The following PSMA8 variants were observed in gnomAD, a reference collection of about 807,000 sequenced individuals.
The protein encoded by PSMA8 is proteasome subunit alpha-type 8.
In PSMA8, 18 loss-of-function variants were observed where a neutral mutation model predicts 32.4. The ratio of observed to expected loss-of-function variants is 0.56; its 90% CI spans 0.38 to 0.82. The LOEUF is 0.82. Ranked by LOEUF, PSMA8 falls within the 40% of genes least tolerant of loss-of-function variation. The pLI is 0.00. For synonymous variants in PSMA8, 104 were observed against 98.1 expected (o/e 1.06, Z -0.36); for missense variants, 298 against 300.7 (o/e 0.99, Z 0.07).
chr18:26,174,163 G>A (rs1224843349), intron 4 of PSMA8, among the ~76,000 whole-genome samples: 1 of 152,156 alleles, frequency 6.6e-6, no homozygotes, highest in Non-Finnish European at 1.5e-5. Flanking sequence ...AATATTTATA[G>A]CATTCGGATC....
rs1348055242 is a variant in PSMA8 at position 26,158,231 on chromosome 18, A to G, written c.464A>G (p.Tyr155Cys). The G allele has an allele frequency of 6.3e-7, 1 of 1,599,690 alleles. No homozygotes were observed. The change falls in exon 4 of 7, where the codon TAT becomes TGT. Residue 155 changes from tyrosine to cysteine, a missense_variant. Physicochemically the swap from Tyr to Cys is radical, Grantham distance 194. Transcript: ENST00000415576. ...TATCAGACAGATCCTTCTGGTACTT[A>G]TCATGCTTGGAAGGTGAGTCATGAA... is the stretch of plus-strand genomic sequence containing the variant. The part of the protein sequence containing the change: ...RLYQTDPSGT[Y>C]HAWKANAIGR...
chr18:26,186,268 A>C lies in PSMA8; in HGVS notation c.661-6051A>C, dbSNP rs1248330663. ...TGTCTCAAAAAAAAAAAAAAAAAAA[A>C]AAAAAAAAACGCAAAGTGAGGCTCT... is the stretch of plus-strand genomic sequence containing the variant. On this transcript the variant is annotated intron_variant, in intron 6 of 6. Coordinates refer to ENST00000415576, the MANE Select transcript of PSMA8 (RefSeq NM_001025096.2). Among the ~76,000 whole-genome samples, 9 of 145,612 alleles carry C rather than the reference A, an allele frequency of 6.2e-5. No homozygotes were observed. The South Asian group carries it at 1.7e-3, about 27-fold the overall frequency.
chr18:26,191,707 G>C (rs191068570), intron 6 of PSMA8, among the ~76,000 whole-genome samples: 2 of 151,852 alleles, frequency 1.3e-5, no homozygotes, highest in Non-Finnish European at 2.9e-5. Context: ...CACCCACCTC[G>C]GCCTCCCAAA....
In PSMA8 at chr18:26,179,120, A is replaced by G; in HGVS notation, c.650A>G (p.Gln217Arg). ...NIELAIIRRN[Q>R]PLKMFSAKEV... ...GAACTTGCTATAATAAGAAGAAATC[A>G]ACCTTTGAAGGTAAGTCATTAACCA... The change falls in exon 6 of 7, where the codon CAA becomes CGA. Residue 217 changes from glutamine to arginine, a missense_variant. Transcript: ENST00000415576. The G allele has an allele frequency of 6.2e-7, 1 of 1,611,144 alleles. No individual in the cohort carries two copies. The highest frequency in any genetic ancestry group is 8.5e-7 in the Non-Finnish European group (1 of 1,178,234).
At chr18:26,134,367 C>CTGTG (rs71169816) in intron 1 of PSMA8, among the ~76,000 whole-genome samples, 9,919 of 131,894 alleles carry the variant, frequency 0.075, 336 homozygotes, top group East Asian at 0.13. Flanking sequence ...GTGTGTGTCT[C>CTGTG]TGTGTGTGTG....
intron 1 of PSMA8, among the ~76,000 whole-genome samples, chr18:26,142,596 G>A (rs902098038): frequency 3.9e-5 from 6 of 152,102 alleles, no homozygotes; most frequent in African/African-American, 1.2e-4. Flanking sequence ...TCTTAACTTA[G>A]ATTATTTGAG....
At chr18:26,154,990 G>C (rs1288199534) in intron 3 of PSMA8, among the ~76,000 whole-genome samples, 1 of 152,082 alleles carries the variant, frequency 6.6e-6, no homozygotes, top group Non-Finnish European at 1.5e-5. Flanking sequence ...CACTTCGGGA[G>C]GCCAAGGTGG....
intron 4 of PSMA8, among the ~76,000 whole-genome samples, chr18:26,176,656 G>A (rs1026296859): frequency 4.6e-5 from 7 of 152,138 alleles, no homozygotes; most frequent in Non-Finnish European, 1.0e-4. Flanking sequence ...CAGTTGGCCA[G>A]GCACAGTGGC....
Position 26,187,501 on chromosome 18 carries a change from A to T in PSMA8, c.661-4818A>T, listed in dbSNP as rs544450118. Among the ~76,000 whole-genome samples the T allele has an allele frequency of 1.1e-3, 165 of 151,648 alleles. 1 individual carries two copies. The highest frequency in any genetic ancestry group is 5.0e-3 in the South Asian group (24 of 4,786). Reference sequence around the variant, plus strand: ...AGATATAGAATGACTGAATGGATTTAAAAAAAAAGACCCAATGATCTGTTG... The same window carrying T: ...AGATATAGAATGACTGAATGGATTTTAAAAAAAAGACCCAATGATCTGTTG... On this transcript the variant is annotated intron_variant, in intron 6 of 6. Coordinates refer to ENST00000415576, the MANE Select transcript of PSMA8 (RefSeq NM_001025096.2).
At chr18:26,142,037 ATT>A (rs71169819) in intron 1 of PSMA8, among the ~76,000 whole-genome samples, 13 of 117,554 alleles carry the variant, frequency 1.1e-4, no homozygotes, top group Non-Finnish European at 1.2e-4. Context: ...AATAATGCTA[ATT>A]TTTTTTTTTT....
chr18:26,140,507 C>T (rs2054947455), intron 1 of PSMA8, among the ~76,000 whole-genome samples: 1 of 152,214 alleles, frequency 6.6e-6, no homozygotes, highest in Admixed American at 6.5e-5. Context: ...GGTCTCTCAC[C>T]TGGATTCTTT....
intron 4 of PSMA8, among the ~76,000 whole-genome samples, chr18:26,160,484 T>C (rs2055126764): frequency 1.3e-5 from 2 of 152,268 alleles, no homozygotes; most frequent in African/African-American, 4.8e-5. Context: ...TAAAATCTTC[T>C]GACTTGATTT....
chr18:26,166,531 C>G (rs915398951), intron 4 of PSMA8, among the ~76,000 whole-genome samples: 11 of 152,098 alleles, frequency 7.2e-5, no homozygotes, highest in African/African-American at 2.7e-4. Flanking sequence ...TAAATCTTGA[C>G]TCAGGTATAC....
intron 4 of PSMA8, among the ~76,000 whole-genome samples, chr18:26,170,301 C>A (rs1428444877): frequency 7.6e-6 from 1 of 131,750 alleles, no homozygotes; most frequent in Non-Finnish European, 1.5e-5. Flanking sequence ...TCCACTGTTA[C>A]AAACAAGGTG....
chr18:26,164,920 T>C (rs1277991665), intron 4 of PSMA8, among the ~76,000 whole-genome samples: 1 of 152,010 alleles, frequency 6.6e-6, no homozygotes, highest in East Asian at 1.9e-4. Context: ...TTTTGTTTTG[T>C]TTTGTTTTGT....
At position 26,192,521 on chromosome 18, in the gene PSMA8, A is replaced by G; in HGVS notation, c.*110A>G. 7.9e-7 allele frequency: 1 copy of G among 1,267,322 alleles called. No individual in the cohort carries two copies. Among genetic ancestry groups the G allele is most frequent in the Non-Finnish European group, 1.0e-6 (1 of 968,202 alleles). The allele number at this position is 1,267,322 out of a possible 1,614,324, so 78.5% of individuals were successfully genotyped here. ...GTTATTTTGCAGCATTACATGCAGT[A>G]CTTGTGTGATGTTTTGAGAATGCCA... On this transcript the variant is annotated 3_prime_UTR_variant, in exon 7 of 7. Coordinates refer to ENST00000415576, the MANE Select transcript of PSMA8 (RefSeq NM_001025096.2).
At chr18:26,138,731 T>G (rs1039801996) in intron 1 of PSMA8, among the ~76,000 whole-genome samples, 3 of 152,184 alleles carry the variant, frequency 2.0e-5, no homozygotes, top group African/African-American at 7.2e-5. Context: ...AGATGATAAC[T>G]AGCTTTTACT....
At chr18:26,172,896 C>T (rs1226605608) in intron 4 of PSMA8, among the ~76,000 whole-genome samples, 1 of 152,132 alleles carries the variant, frequency 6.6e-6, no homozygotes, top group Non-Finnish European at 1.5e-5. Context: ...TTGTAATAGG[C>T]AGTGAACAAG....
At chr18:26,140,573 G>A (rs1304270099) in intron 1 of PSMA8, among the ~76,000 whole-genome samples, 1 of 152,160 alleles carries the variant, frequency 6.6e-6, no homozygotes, top group Non-Finnish European at 1.5e-5. Context: ...GCTGGGACAT[G>A]GGCATGGGAA....
Sources: gnomAD v4.1 joint callset for allele counts (sites outside exome capture counted in the v4.1 genomes callset) on GRCh38, gnomAD v4.1.1 for gene constraint, MANE v1.5 for transcripts, NCBI Gene and HGNC (gene_info 2026-07-23, HGNC 2026-07-21) for gene names.